The following SUGCT variants were observed in gnomAD, a reference collection of about 807,000 sequenced individuals.
The protein encoded by SUGCT is succinyl-CoA:glutarate-CoA transferase.
SUGCT carries 41 observed loss-of-function variants against 55.0 expected under a neutral mutation model. The ratio of observed to expected loss-of-function variants is 0.74; its 90% CI spans 0.58 to 0.97. The LOEUF is 0.97. SUGCT is among the 50% of genes least tolerant of loss of function. The probability of loss-of-function intolerance (pLI) is 0.00; values close to 1 mark genes in which losing one functional copy is unlikely to be tolerated. For missense variants in SUGCT, 568 were observed against 547.8 expected, an observed-to-expected ratio of 1.04 and a Z score of -0.37; for synonymous variants, 187 against 200.4, an observed-to-expected ratio of 0.93 and a Z score of 0.56.
rs377215730 is a variant in SUGCT at position 40,324,261 on chromosome 7, A to ATATATATATATATATATATTTATTTATT, written c.816+7409_816+7410insATATATATATATATATTTATTTATTTAT. ...AATAAATAAATAAATAAATATATAT[A>ATATATATATATATATATATTTATTTATT]TATTTATTTTTTGAGACAGAGTCTT... is the stretch of plus-strand genomic sequence containing the variant. On this transcript the variant is annotated intron_variant, in intron 9 of 13. Coordinates refer to ENST00000335693, the MANE Select transcript of SUGCT (RefSeq NM_001193313.2). Among the ~76,000 whole-genome samples, 46 of 99,938 alleles carry ATATATATATATATATATATTTATTTATT rather than the reference A, an allele frequency of 4.6e-4. 1 individual carries two copies. Among genetic ancestry groups the ATATATATATATATATATATTTATTTATT allele is most frequent in the South Asian group, 7.7e-4 (2 of 2,602 alleles). 65.6% of individuals were successfully genotyped at this position (99,938 alleles called of 152,430 possible).
chr7:41,003,247 C>G, the SUGCT span, among the ~76,000 whole-genome samples: 5 of 152,070 alleles, frequency 3.3e-5, no homozygotes, highest in African/African-American at 1.2e-4. Flanking sequence ...GTGGCGCCAC[C>G]AAAGAGCAAG....
At chr7:40,295,640 A>G (rs189047021) in intron 8 of SUGCT, among the ~76,000 whole-genome samples, 1 of 152,314 alleles carries the variant, frequency 6.6e-6, no homozygotes, top group East Asian at 1.9e-4. Flanking sequence ...AATTTCTTCC[A>G]GGGACATAAA....
At chr7:40,653,394 TA>T (rs1800870084) in intron 12 of SUGCT, among the ~76,000 whole-genome samples, 2 of 152,218 alleles carry the variant, frequency 1.3e-5, no homozygotes, top group African/African-American at 2.4e-5. Context: ...TTGAGCTTAT[TA>T]TTTTTTTTCC....
At chr7:40,926,301 G>A in the SUGCT span, among the ~76,000 whole-genome samples, 1 of 151,960 alleles carries the variant, frequency 6.6e-6, no homozygotes, top group Admixed American at 6.6e-5. Context: ...AATTGGGTAA[G>A]ATTGTCTTTG....
chr7:40,150,435 A>T (rs1788499909), intron 1 of SUGCT, among the ~76,000 whole-genome samples: 1 of 151,930 alleles, frequency 6.6e-6, no homozygotes. Flanking sequence ...TTGGGAGGCT[A>T]AGGCAGGCGG....
At chr7:40,391,414 A>G (rs1785421345) in intron 9 of SUGCT, among the ~76,000 whole-genome samples, 1 of 152,346 alleles carries the variant, frequency 6.6e-6, no homozygotes, top group East Asian at 1.9e-4. Context: ...CAGAATCTAC[A>G]AAGAACTTAA....
At chr7:40,482,557 A>G (rs899324054) in intron 11 of SUGCT, among the ~76,000 whole-genome samples, 5 of 152,236 alleles carry the variant, frequency 3.3e-5, no homozygotes, top group African/African-American at 1.2e-4. Context: ...AGAGGTCCTA[A>G]TTAAAAAGAC....
intron 13 of SUGCT, among the ~76,000 whole-genome samples, chr7:40,752,726 A>AGTTATATG (rs1280608951): frequency 6.6e-6 from 1 of 150,438 alleles, no homozygotes; most frequent in African/African-American, 2.4e-5. Flanking sequence ...GAAATTTCAA[A>AGTTATATG]GTTATATGGT....
At chr7:40,315,656 A>G (rs1245051360) in intron 8 of SUGCT, among the ~76,000 whole-genome samples, 1 of 152,234 alleles carries the variant, frequency 6.6e-6, no homozygotes, top group Non-Finnish European at 1.5e-5. Context: ...GGTAGGGGGC[A>G]AGAAAAGGCC....
intron 7 of SUGCT, among the ~76,000 whole-genome samples, chr7:40,259,951 G>T (rs1225174228): frequency 1.3e-5 from 2 of 152,188 alleles, no homozygotes; most frequent in African/African-American, 2.4e-5. Context: ...TTCTGAGCTT[G>T]AAGTATCCTT....
At chr7:40,191,369 T>C (rs920657532) in intron 5 of SUGCT, among the ~76,000 whole-genome samples, 2 of 152,208 alleles carry the variant, frequency 1.3e-5, no homozygotes, top group African/African-American at 4.8e-5. Flanking sequence ...GCTCTGCTGC[T>C]GCTTTATGTT....
intron 12 of SUGCT, among the ~76,000 whole-genome samples, chr7:40,627,101 T>G (rs917824363): frequency 1.3e-5 from 2 of 152,218 alleles, no homozygotes; most frequent in African/African-American, 4.8e-5. Context: ...GAAAGGCATG[T>G]AGACAAAGAA....
chr7:40,373,726 A>G (rs1392156367), intron 9 of SUGCT, among the ~76,000 whole-genome samples: 2 of 152,088 alleles, frequency 1.3e-5, no homozygotes, highest in Non-Finnish European at 2.9e-5. Flanking sequence ...ATGATTGACT[A>G]ATTATGTTTG....
intron 9 of SUGCT, among the ~76,000 whole-genome samples, chr7:40,334,233 C>G (rs1796538143): frequency 6.6e-6 from 1 of 152,100 alleles, no homozygotes; most frequent in Non-Finnish European, 1.5e-5. Flanking sequence ...GTCTTTATAG[C>G]AGCATGATTT....
chr7:40,662,369 G>A lies in SUGCT; in HGVS notation c.1090-87065G>A, dbSNP rs1032473611. ...GCCCATCCTCCCCACATAGAAGTCA[G>A]ACTGCTATTTTAAAGATGAGATCAT... is the stretch of plus-strand genomic sequence containing the variant. On this transcript the variant is annotated intron_variant, in intron 12 of 13. Coordinates refer to ENST00000335693, the MANE Select transcript of SUGCT (RefSeq NM_001193313.2). Among the ~76,000 whole-genome samples the A allele has an allele frequency of 2.0e-5, 3 of 152,174 alleles. No individual in the cohort carries two copies. The South Asian group carries it at 6.2e-4, about 32-fold the overall frequency.
At chr7:40,957,010 C>A in the SUGCT span, among the ~76,000 whole-genome samples, 1 of 152,182 alleles carries the variant, frequency 6.6e-6, no homozygotes, top group East Asian at 1.9e-4. Context: ...TGTTCTTTTG[C>A]ATTTGTTAAG....
In SUGCT at chr7:40,575,125, T is replaced by A. The variant is rs7804324; in HGVS notation, c.1089+78739T>A. On this transcript the variant is annotated intron_variant, in intron 12 of 13. Transcript: ENST00000335693. ...ATGGTGGGCAGGAGGGTGGCGGGGGTGGGGGTGGAGATGGGTGAAGTTTTG... is the reference window on the plus strand; with the variant it reads ...ATGGTGGGCAGGAGGGTGGCGGGGGAGGGGGTGGAGATGGGTGAAGTTTTG... 3.8e-3 allele frequency among the ~76,000 whole-genome samples: 523 copies of A among 137,034 alleles called. 14 individuals carry two copies. The highest frequency in any genetic ancestry group is 0.016 in the African/African-American group (497 of 31,614). 89.9% of individuals were successfully genotyped at this position (137,034 alleles called of 152,430 possible).
intron 9 of SUGCT, among the ~76,000 whole-genome samples, chr7:40,394,860 C>T (rs1785635571): frequency 6.6e-6 from 1 of 152,208 alleles, no homozygotes; most frequent in Non-Finnish European, 1.5e-5. Context: ...TTGCACATAA[C>T]AGGAGTTCCT....
intron 9 of SUGCT, among the ~76,000 whole-genome samples, chr7:40,438,567 T>A (rs1418944254): frequency 6.6e-6 from 1 of 152,154 alleles, no homozygotes; most frequent in Admixed American, 6.6e-5. Context: ...AGTAATACAA[T>A]CTGGTCTCCT....
Sources: gnomAD v4.1 joint callset for allele counts (sites outside exome capture counted in the v4.1 genomes callset) on GRCh38, gnomAD v4.1.1 for gene constraint, MANE v1.5 for transcripts, NCBI Gene and HGNC (gene_info 2026-07-23, HGNC 2026-07-21) for gene names.